The following WNT3A variants were observed in gnomAD, a reference collection of about 807,000 sequenced individuals.
WNT3A encodes protein Wnt-3a.
In WNT3A, 17 loss-of-function variants were observed where a neutral mutation model predicts 37.0. That is an observed-to-expected ratio of 0.46 (90% CI 0.31 to 0.69). The LOEUF is 0.69. Among genes scored for constraint, WNT3A ranks in the 30% least tolerant of loss-of-function variants. WNT3A has a pLI of 0.05. For synonymous variants in WNT3A, 187 were observed against 211.0 expected, an observed-to-expected ratio of 0.89 and a Z score of 0.99; for missense variants, 411 against 510.2, an observed-to-expected ratio of 0.81 and a Z score of 1.87.
At chr1:228,026,997 C>G (rs947222535) in intron 2 of WNT3A, among the ~76,000 whole-genome samples, 1 of 152,140 alleles carries the variant, frequency 6.6e-6, no homozygotes, top group Admixed American at 6.5e-5. Context: ...CACCAGCCAC[C>G]AAGCCCCACT....
chr1:228,056,256 G>A (rs1201393083), intron 3 of WNT3A, among the ~76,000 whole-genome samples: 2 of 152,136 alleles, frequency 1.3e-5, no homozygotes, highest in African/African-American at 4.8e-5. Flanking sequence ...CTCTGAGGAA[G>A]GACTCTAACA....
intron 1 of WNT3A, among the ~76,000 whole-genome samples, chr1:228,009,577 G>A (rs1006980926): frequency 6.6e-6 from 1 of 151,100 alleles, no homozygotes; most frequent in African/African-American, 2.4e-5. Flanking sequence ...AGGCTGGGGT[G>A]GGGGGCCTCC....
At chr1:228,032,505 A>G (rs1210991228) in intron 2 of WNT3A, among the ~76,000 whole-genome samples, 4 of 152,272 alleles carry the variant, frequency 2.6e-5, no homozygotes, top group Non-Finnish European at 1.5e-5. Context: ...TCTATGGTCT[A>G]GGAGCCTGGT....
Position 228,060,045 on chromosome 1 carries a change from C to G in WNT3A, c.*580C>G. 1 of 1,190,912 alleles carries G rather than the reference C, an allele frequency of 8.4e-7. No homozygotes were observed. Among genetic ancestry groups the G allele is most frequent in the Non-Finnish European group, 1.1e-6 (1 of 941,812 alleles). The allele number at this position is 1,190,912 out of a possible 1,614,324, so 73.8% of individuals were successfully genotyped here. The stretch of plus-strand genomic sequence containing the variant: ...TCTCCTGACCAGGGCAAGGCCCCTT[C>G]CACGGGGGCTGTGGCTCTGGGTGGG... On this transcript the variant is annotated 3_prime_UTR_variant, in exon 4 of 4. Coordinates refer to ENST00000284523, the MANE Select transcript of WNT3A (RefSeq NM_033131.4).
At position 228,059,947 on chromosome 1, in the gene WNT3A, C is replaced by T. The variant is rs2031766607; in HGVS notation, c.*482C>T. The T allele has an allele frequency of 9.1e-7, 1 of 1,102,264 alleles. No homozygotes were observed. The highest frequency in any genetic ancestry group is 4.4e-5 in the Admixed American group (1 of 22,900). The allele number at this position is 1,102,264 out of a possible 1,614,324, so 68.3% of individuals were successfully genotyped here. ...GGCACGGCTCTGGGGTAGGCTGCTC[C>T]CTGAGGGCGGAGCGCCTCCTTAGGA... On this transcript the variant is annotated 3_prime_UTR_variant, in exon 4 of 4. Coordinates refer to ENST00000284523, the MANE Select transcript of WNT3A (RefSeq NM_033131.4).
At chr1:228,034,135 G>A (rs2031081791) in intron 2 of WNT3A, among the ~76,000 whole-genome samples, 1 of 152,064 alleles carries the variant, frequency 6.6e-6, no homozygotes. Flanking sequence ...GGTGGCACAT[G>A]CCTGTAGTCC....
At chr1:228,041,424 A>C (rs905405271) in intron 2 of WNT3A, among the ~76,000 whole-genome samples, 20 of 151,462 alleles carry the variant, frequency 1.3e-4, no homozygotes, top group African/African-American at 3.9e-4. Flanking sequence ...ACCATCCATC[A>C]ATTCATCCAT....
chr1:228,010,882 T>C (rs931706610), intron 1 of WNT3A, among the ~76,000 whole-genome samples: 2 of 152,210 alleles, frequency 1.3e-5, no homozygotes, highest in Non-Finnish European at 2.9e-5. Context: ...ACAGAAGATG[T>C]AGGCCCTTTC....
At chr1:228,040,817 T>G (rs1211391999) in intron 2 of WNT3A, among the ~76,000 whole-genome samples, 3 of 148,118 alleles carry the variant, frequency 2.0e-5, no homozygotes, top group Non-Finnish European at 4.4e-5. Context: ...ACCTGGGACG[T>G]GGAGCTTGCA....
intron 1 of WNT3A, 135 bp from the exon 2 acceptor site, chr1:228,022,532 T>A (rs763612462): frequency 6.5e-5 from 75 of 1,160,556 alleles, no homozygotes; most frequent in Non-Finnish European, 8.9e-5. Flanking sequence ...AAATAAAAAA[T>A]CAGATTTCCT....
rs2124822518 is a variant in WNT3A at position 228,060,356 on chromosome 1, AGC to A, written c.*894_*895del. 2 of 1,297,908 alleles carry A rather than the reference AGC, an allele frequency of 1.5e-6. No homozygotes were observed. Among genetic ancestry groups the A allele is most frequent in the South Asian group, 2.3e-5 (2 of 86,626 alleles). The allele number at this position is 1,297,908 out of a possible 1,614,324, so 80.4% of individuals were successfully genotyped here. ...CCTGGGATCCGAGGGCCCCTCTCCAAGCGCCTGGCTTTGGAATGCTCCAGGCG... is the reference window on the plus strand; with the variant it reads ...CCTGGGATCCGAGGGCCCCTCTCCAAGCCTGGCTTTGGAATGCTCCAGGCG... On this transcript the variant is annotated 3_prime_UTR_variant, in exon 4 of 4. Transcript: ENST00000284523.
In WNT3A at chr1:228,038,306, G is replaced by T. The variant is rs1371871361; in HGVS notation, c.314-12350G>T. Among the ~76,000 whole-genome samples the T allele has an allele frequency of 6.6e-6, 1 of 152,170 alleles. No homozygotes were observed. The highest frequency in any genetic ancestry group is 2.4e-5 in the African/African-American group (1 of 41,456). ...GGCGGGCTCCGGCGGGGACCGGGGC[G>T]CGGGCTGAGTCCCCCTGTGTGCCCC... On this transcript the variant is annotated intron_variant, in intron 2 of 3. Coordinates refer to ENST00000284523, the MANE Select transcript of WNT3A (RefSeq NM_033131.4). This position sits in a 1 kb window ranked among gnomAD's most constrained non-coding sequence, Gnocchi z 5.7.
intron 2 of WNT3A, among the ~76,000 whole-genome samples, chr1:228,049,872 G>A (rs1346574400): frequency 6.6e-6 from 1 of 152,040 alleles, no homozygotes; most frequent in East Asian, 1.9e-4. Context: ...CAAACTCCTG[G>A]GCTCTAGCAA....
In WNT3A at chr1:228,039,934, A is replaced by G. The variant is rs1003165615; in HGVS notation, c.314-10722A>G. 3.3e-5 allele frequency among the ~76,000 whole-genome samples: 5 copies of G among 152,108 alleles called. No homozygotes were observed. The highest frequency in any genetic ancestry group is 2.6e-4 in the Admixed American group (4 of 15,280). ...CCTTCAAGTTGTTTGTCCCTCAGAA[A>G]AGCCACTCAGGAGTCCCCTCTGGAC... On this transcript the variant is annotated intron_variant, in intron 2 of 3. Transcript: ENST00000284523. This position sits in a 1 kb window ranked among gnomAD's most constrained non-coding sequence, Gnocchi z 4.1.
rs2031798503 is a variant in WNT3A at position 228,061,153 on chromosome 1, G to A, written c.*1688G>A. ...GTGCGGGGAGAAGAAGCGGCCAGGCGGGGCGCCCCAAGAGCCCAAAAGAGG... is the reference window on the plus strand; with the variant it reads ...GTGCGGGGAGAAGAAGCGGCCAGGCAGGGCGCCCCAAGAGCCCAAAAGAGG... On this transcript the variant is annotated 3_prime_UTR_variant, in exon 4 of 4. Transcript: ENST00000284523. The A allele has an allele frequency of 6.6e-6, 1 of 152,540 alleles. No individual in the cohort carries two copies. Among genetic ancestry groups the A allele is most frequent in the South Asian group, 2.1e-4 (1 of 4,828 alleles). The allele number at this position is 152,540 out of a possible 1,614,324, so 9.4% of individuals were successfully genotyped here.
At position 228,022,893 on chromosome 1, in the gene WNT3A, C is replaced by G; in HGVS notation, c.298C>G (p.Pro100Ala). The stretch of plus-strand genomic sequence containing the variant: ...CCACGACAGCCTGGCCATCTTCGGG[C>G]CCGTGCTGGACAAAGGTATGGGGGT... Reference protein sequence around the residue: ...TVHDSLAIFGPVLDKATRESA... With the variant: ...TVHDSLAIFGAVLDKATRESA... Residue 100 changes from proline (P) to alanine (A), a missense_variant, in exon 2 of 4, where the codon CCC becomes GCC. Pro to Ala is a conservative substitution (Grantham distance 27, BLOSUM62 -1). Coordinates refer to ENST00000284523, the MANE Select transcript of WNT3A (RefSeq NM_033131.4). The G allele has an allele frequency of 6.2e-7, 1 of 1,610,102 alleles. No homozygotes were observed. The highest frequency in any genetic ancestry group is 2.2e-5 in the East Asian group (1 of 44,830).
chr1:228,015,649 C>A (rs777382545), intron 1 of WNT3A, among the ~76,000 whole-genome samples: 1 of 152,126 alleles, frequency 6.6e-6, no homozygotes. Flanking sequence ...TGATCCAGAT[C>A]GTTGGCATCC....
rs75185786 is a variant in WNT3A at position 228,044,308 on chromosome 1, G to A, written c.314-6348G>A. On this transcript the variant is annotated intron_variant, in intron 2 of 3. Coordinates refer to ENST00000284523, the MANE Select transcript of WNT3A (RefSeq NM_033131.4). The stretch of plus-strand genomic sequence containing the variant: ...CCAGTGGTGCATAACTATGCCAATT[G>A]TTCAAAACTAAATGTGTTCTATTCA... 3.6e-3 allele frequency among the ~76,000 whole-genome samples: 555 copies of A among 152,268 alleles called. 11 individuals carry two copies. Among genetic ancestry groups the A allele is most frequent in the East Asian group, 0.03 (155 of 5,184 alleles).
chr1:228,047,310 C>G (rs748160749), intron 2 of WNT3A, among the ~76,000 whole-genome samples: 15 of 152,200 alleles, frequency 9.9e-5, no homozygotes, highest in Admixed American at 2.0e-4. Flanking sequence ...CCAAAGCAGG[C>G]CCGAGGGGCT....
Sources: allele counts gnomAD v4.1 joint callset (sites outside exome capture counted in the v4.1 genomes callset), GRCh38; gene constraint gnomAD v4.1.1; non-coding constraint Gnocchi (gnomAD v3.1); transcripts MANE v1.5; gene names NCBI Gene and HGNC (gene_info 2026-07-23, HGNC 2026-07-21).